CXCL6: variants seen among roughly 807,000 people sequenced by gnomAD.
CXCL6 encodes the protein C-X-C motif chemokine ligand 6, also known as C-X-C motif chemokine 6.
CXCL6 carries 18 observed loss-of-function variants against 10.5 expected under a neutral mutation model. The ratio of observed to expected loss-of-function variants is 1.71; its 90% confidence interval spans 1.18 to 2.54. The LOEUF (loss-of-function observed/expected upper bound fraction) is 2.54. Ranked by LOEUF, CXCL6 falls within the 30% of genes most tolerant of loss-of-function variation. The probability of loss-of-function intolerance (pLI) is 0.00; values close to 1 mark genes in which losing one functional copy is unlikely to be tolerated. For missense variants in CXCL6, 171 were observed against 145.7 expected (o/e 1.17, Z -0.90); for synonymous variants, 82 against 68.3 (o/e 1.20, Z -0.99).
At position 73,837,828 on chromosome 4, in the gene CXCL6, G is replaced by A; in HGVS notation, c.*187G>A. 2.1e-6 allele frequency: 1 copy of A among 474,146 alleles called. No homozygotes were observed. The highest frequency in any genetic ancestry group is 3.8e-6 in the Non-Finnish European group (1 of 263,508). 29.4% of individuals were successfully genotyped at this position (474,146 alleles called of 1,614,324 possible). A position where few individuals can be genotyped will look rare whatever the true frequency, so the allele number is the denominator to read the frequency against. On this transcript the variant is annotated 3_prime_UTR_variant, in exon 4 of 4. Coordinates refer to ENST00000226317, the MANE Select transcript of CXCL6 (RefSeq NM_002993.4). ...CCCTGAAGTTTACAGCTCAGCTAAT[G>A]AAGTACTAATATAGTATTTCCACTA...
rs1258037928 is a variant in CXCL6, at chr4:73,838,576, G to A, written c.*935G>A. On this transcript the variant is annotated 3_prime_UTR_variant, in exon 4 of 4. Transcript: ENST00000226317. ...TCATTTAGTCCTCAAAATATATATA[G>A]CATTGCTAAGATTTTCAGATATCTA... is the stretch of plus-strand genomic sequence containing the variant. The A allele has an allele frequency of 6.6e-6, 1 of 152,532 alleles. No individual in the cohort carries two copies. The highest frequency in any genetic ancestry group is 1.5e-5 in the Non-Finnish European group (1 of 68,014). The allele number at this position is 152,532 out of a possible 1,614,324, so 9.4% of individuals were successfully genotyped here. A position where few individuals can be genotyped will look rare whatever the true frequency, so the allele number is the denominator to read the frequency against.
chr4:73,837,646 C>CA lies in CXCL6; in HGVS notation c.*11dup. The CA allele has an allele frequency of 6.4e-7, 1 of 1,551,962 alleles. No homozygotes were observed. The highest frequency in any genetic ancestry group is 1.2e-5 in the South Asian group (1 of 80,838). Reference sequence around the variant, plus strand: ...AGTGGAAACAAGAAAAACTGAGTAACAAAAAAGACCATGCATCATAAAATT... The same window carrying CA: ...AGTGGAAACAAGAAAAACTGAGTAACAAAAAAAGACCATGCATCATAAAATT... On this transcript the variant is annotated 3_prime_UTR_variant, in exon 4 of 4. Transcript: ENST00000226317.
At position 73,836,730 on chromosome 4, in the gene CXCL6, G is replaced by A; in HGVS notation, c.-21G>A. ...GCGCCTCCACCCAGCTCAGGAACCC[G>A]CGAACCCTCTCTTGACCACTATGAG... On this transcript the variant is annotated 5_prime_UTR_variant, in exon 1 of 4. Transcript: ENST00000226317. 1.3e-6 allele frequency: 2 copies of A among 1,594,218 alleles called. No individual in the cohort carries two copies. The highest frequency in any genetic ancestry group is 2.3e-5 in the East Asian group (1 of 43,752).
Position 73,836,805 on chromosome 4 carries a change from T to G in CXCL6, c.55T>G (p.Cys19Gly). ...ARVPGPSGSL[C>G]ALLALLLLLT... is the part of the protein sequence containing the mutation. The stretch of plus-strand genomic sequence containing the variant: ...TGTCCCGGGTCCTTCGGGCTCCTTG[T>G]GCGCGCTGCTCGCGCTGCTGCTCCT... Residue 19 changes from cysteine to glycine, a missense_variant, in exon 1 of 4, where the codon TGC becomes GGC. Physicochemically the swap from Cys to Gly is radical, Grantham distance 159. Coordinates refer to ENST00000226317, the MANE Select transcript of CXCL6 (RefSeq NM_002993.4). 1 of 1,612,326 alleles carries G rather than the reference T, an allele frequency of 6.2e-7. No homozygotes were observed. The highest frequency in any genetic ancestry group is 8.5e-7 in the Non-Finnish European group (1 of 1,179,482).
intron 3 of CXCL6, 23 bp from the exon 4 acceptor site, chr4:73,837,600 T>A: frequency 6.4e-7 from 1 of 1,567,446 alleles, no homozygotes; most frequent in Non-Finnish European, 8.6e-7. Flanking sequence ...TTGGTTATAC[T>A]AATATAACTC....
chr4:73,837,638 C>G lies in CXCL6; in HGVS notation c.342C>G (p.Asn114Lys), dbSNP rs1395471543. Residue 114 changes from asparagine to lysine, a missense_variant, in exon 4 of 4, where the codon AAC becomes AAG. Asn to Lys is a moderately conservative substitution (Grantham distance 94). Coordinates refer to ENST00000226317, the MANE Select transcript of CXCL6 (RefSeq NM_002993.4). ...TTCTCAACAGTGGAAACAAGAAAAA[C>G]TGAGTAACAAAAAAGACCATGCATC... ...QKILDSGNKK[N>K] 1 of 1,554,600 alleles carries G rather than the reference C, an allele frequency of 6.4e-7. No homozygotes were observed. Among genetic ancestry groups the G allele is most frequent in the Non-Finnish European group, 8.6e-7 (1 of 1,162,556 alleles).
Position 73,837,005 on chromosome 4 carries a change from T to C in CXCL6, c.151T>C (p.Cys51Arg), listed in dbSNP as rs1191410166. ...SAVLTELRCT[C>R]LRVTLRVNPK... Reference sequence around the variant, plus strand: ...TGTGCTGACAGAGCTGCGTTGCACTTGTTTACGCGTTACGCTGAGAGTAAA... The same window carrying C: ...TGTGCTGACAGAGCTGCGTTGCACTCGTTTACGCGTTACGCTGAGAGTAAA... The change falls in exon 2 of 4, where the codon TGT becomes CGT. Residue 51 changes from cysteine (C) to arginine (R), a missense_variant. Coordinates refer to ENST00000226317, the MANE Select transcript of CXCL6 (RefSeq NM_002993.4). 1.2e-6 allele frequency: 2 copies of C among 1,613,320 alleles called. No individual in the cohort carries two copies. The highest frequency in any genetic ancestry group is 1.7e-6 in the Non-Finnish European group (2 of 1,179,676).
chr4:73,837,573 A>G (rs1326596603), intron 3 of CXCL6, 50 bp from the exon 4 acceptor site: 2 of 1,550,930 alleles, frequency 1.3e-6, no homozygotes, highest in Non-Finnish European at 1.7e-6. Context: ...CAAATGTAGC[A>G]TACAAGAGTG....
In CXCL6 at chr4:73,837,710, G is replaced by C; in HGVS notation, c.*69G>C. The C allele has an allele frequency of 7.5e-7, 1 of 1,331,780 alleles. No homozygotes were observed. Among genetic ancestry groups the C allele is most frequent in the Non-Finnish European group, 1.0e-6 (1 of 978,744 alleles). The allele number at this position is 1,331,780 out of a possible 1,614,324, so 82.5% of individuals were successfully genotyped here. A position where few individuals can be genotyped will look rare whatever the true frequency, so the allele number is the denominator to read the frequency against. Reference sequence around the variant, plus strand: ...CGGAGCAGTTTTCTGGAGATCCCTGGACCCAGTAAGAATAAGAAGGAAGGG... The same window carrying C: ...CGGAGCAGTTTTCTGGAGATCCCTGCACCCAGTAAGAATAAGAAGGAAGGG... On this transcript the variant is annotated 3_prime_UTR_variant, in exon 4 of 4. Coordinates refer to ENST00000226317, the MANE Select transcript of CXCL6 (RefSeq NM_002993.4).
At position 73,836,847 on chromosome 4, in the gene CXCL6, C is replaced by G; in HGVS notation, c.97C>G (p.Pro33Ala). The G allele has an allele frequency of 6.2e-7, 1 of 1,612,194 alleles. No homozygotes were observed. The highest frequency in any genetic ancestry group is 8.5e-7 in the Non-Finnish European group (1 of 1,178,948). Residue 33 changes from proline to alanine, a missense_variant, in exon 1 of 4, where the codon CCC (proline) becomes GCC (alanine). By Grantham distance (27) the Pro-to-Ala change is conservative. Transcript: ENST00000226317. ...GCTGCTCCTGCTGACGCCGCCGGGG[C>G]CCCTCGCCAGCGGTGAGAGCTCCTG... ...ALLLLLTPPG[P>A]LASAGPVSAV...
rs377169766 is a variant in CXCL6 at position 73,837,285 on chromosome 4, A to G, written c.325A>G (p.Ser109Gly). 1.1e-5 allele frequency: 17 copies of G among 1,613,328 alleles called. No individual in the cohort carries two copies. In the African/African-American group the frequency reaches 1.1e-4, roughly 10 times the overall value. ...GAAAGTCATCCAGAAAATTTTGGAC[A>G]GGTATTTGTCCCTTTGATCTTTGTG... The part of the protein sequence containing the change: ...LKKVIQKILD[S>G]GNKKN Residue 109 changes from serine to glycine, a missense_variant and splice_region_variant, in exon 3 of 4, where the codon AGT (serine) becomes GGT (glycine). Physicochemically the swap from Ser to Gly is moderately conservative, Grantham distance 56 (BLOSUM62 0). Coordinates refer to ENST00000226317, the MANE Select transcript of CXCL6 (RefSeq NM_002993.4).
In CXCL6 at chr4:73,837,686, G is replaced by A. The variant is rs766311155; in HGVS notation, c.*45G>A. On this transcript the variant is annotated 3_prime_UTR_variant, in exon 4 of 4. Transcript: ENST00000226317. ...ATCATAAAATTGCCCAGTCTTCAGCGGAGCAGTTTTCTGGAGATCCCTGGA... is the reference window on the plus strand; with the variant it reads ...ATCATAAAATTGCCCAGTCTTCAGCAGAGCAGTTTTCTGGAGATCCCTGGA... 50 of 1,524,322 alleles carry A rather than the reference G, an allele frequency of 3.3e-5. No homozygotes were observed. The highest frequency in any genetic ancestry group is 3.2e-4 in the East Asian group (13 of 40,702). 94.4% of individuals were successfully genotyped at this position (1,524,322 alleles called of 1,614,324 possible).
At chr4:73,837,424 T>C in intron 3 of CXCL6, 138 bp downstream of exon 3, 1 of 1,027,132 alleles carries the variant, frequency 9.7e-7, no homozygotes, top group Non-Finnish European at 1.4e-6. Context: ...GGAAACTTTT[T>C]TTCTGGAATG....
rs749964064 is a variant in CXCL6, at chr4:73,837,200, C to T, written c.243-3C>T. On this transcript the variant is annotated splice_polypyrimidine_tract_variant and splice_region_variant and intron_variant, in intron 2 of 3. Coordinates refer to ENST00000226317, the MANE Select transcript of CXCL6 (RefSeq NM_002993.4). ...GGGTGCATCCTCTTTTTCTTTACTTCAGAGCCTCCCTGAAGAACGGGAAGC... is the reference window on the plus strand; with the variant it reads ...GGGTGCATCCTCTTTTTCTTTACTTTAGAGCCTCCCTGAAGAACGGGAAGC... 2 of 1,614,114 alleles carry T rather than the reference C, an allele frequency of 1.2e-6. No homozygotes were observed. The highest frequency in any genetic ancestry group is 2.2e-5 in the South Asian group (2 of 91,086).
rs886847547 is a variant in CXCL6 at position 73,838,109 on chromosome 4, T to A, written c.*468T>A. 2.6e-5 allele frequency: 4 copies of A among 152,876 alleles called. No homozygotes were observed. Among genetic ancestry groups the A allele is most frequent in the African/African-American group, 9.6e-5 (4 of 41,480 alleles). 9.5% of individuals were successfully genotyped at this position (152,876 alleles called of 1,614,324 possible). On this transcript the variant is annotated 3_prime_UTR_variant, in exon 4 of 4. Transcript: ENST00000226317. Reference sequence around the variant, plus strand: ...CTCATAAAATAGGAAATATTTTAGTTCTGTTTCTTGGGGAATATGTTACTC... The same window carrying A: ...CTCATAAAATAGGAAATATTTTAGTACTGTTTCTTGGGGAATATGTTACTC...
chr4:73,836,704 C>T lies in CXCL6; in HGVS notation c.-47C>T, dbSNP rs774318977. On this transcript the variant is annotated 5_prime_UTR_variant, in exon 1 of 4. Transcript: ENST00000226317. The stretch of plus-strand genomic sequence containing the variant: ...AAAGTGCTCTGTATCCTCCAGTCTC[C>T]GCGCCTCCACCCAGCTCAGGAACCC... 4.0e-5 allele frequency: 61 copies of T among 1,509,470 alleles called. No homozygotes were observed. The highest frequency in any genetic ancestry group is 1.1e-4 in the Admixed American group (6 of 52,564). The allele number at this position is 1,509,470 out of a possible 1,614,324, so 93.5% of individuals were successfully genotyped here. A position where few individuals can be genotyped will look rare whatever the true frequency, so the allele number is the denominator to read the frequency against.
rs1239825099 is a variant in CXCL6 at position 73,836,956 on chromosome 4, T to A, written c.110-8T>A. 6.2e-6 allele frequency: 10 copies of A among 1,603,788 alleles called. No individual in the cohort carries two copies. The African/African-American group carries it at 1.3e-4, about 22-fold the overall frequency. On this transcript the variant is annotated splice_region_variant and splice_polypyrimidine_tract_variant and intron_variant, in intron 1 of 3. Transcript: ENST00000226317. ...AACCTGCCCTATAAAAATGTCTTTC[T>A]TCCCCAGCTGGTCCTGTCTCTGCTG...
rs1242844758 is a variant in CXCL6, at chr4:73,837,786, G to A, written c.*145G>A. 4 of 606,932 alleles carry A rather than the reference G, an allele frequency of 6.6e-6. No homozygotes were observed. Among genetic ancestry groups the A allele is most frequent in the Admixed American group, 3.5e-5 (1 of 28,266 alleles). 37.6% of individuals were successfully genotyped at this position (606,932 alleles called of 1,614,324 possible). A position where few individuals can be genotyped will look rare whatever the true frequency, so the allele number is the denominator to read the frequency against. On this transcript the variant is annotated 3_prime_UTR_variant, in exon 4 of 4. Transcript: ENST00000226317. ...GATTCCCTACTTTGAAGAGTGTGGG[G>A]GAAAGCCTACGCTTCTCCCTGAAGT...
rs1456249791 is a variant in CXCL6, at chr4:73,837,040, G to T, written c.186G>T (p.Thr62=). ...TTACGCTGAGAGTAAACCCCAAAAC[G>T]ATTGGTAAACTGCAGGTGTTCCCCG... ...LRVTLRVNPK[T]IGKLQVFPAG... is the part of the protein sequence containing the mutation. The change falls in exon 2 of 4, where the codon ACG becomes ACT. Residue 62 remains threonine, a synonymous_variant. Coordinates refer to ENST00000226317, the MANE Select transcript of CXCL6 (RefSeq NM_002993.4). 6.2e-7 allele frequency: 1 copy of T among 1,613,990 alleles called. No individual in the cohort carries two copies. Among genetic ancestry groups the T allele is most frequent in the African/African-American group, 1.3e-5 (1 of 75,050 alleles).
Sources: allele counts gnomAD v4.1 joint callset, GRCh38; gene constraint gnomAD v4.1.1; transcripts MANE v1.5; gene names NCBI Gene and HGNC (gene_info 2026-07-23, HGNC 2026-07-21).